The following NTM variants were observed in gnomAD, a reference collection of about 807,000 sequenced individuals.
NTM encodes the protein neurotrimin, also known as IgLON family member 2.
Under a neutral mutation model 42.1 loss-of-function variants are expected in NTM, and 13 were observed. That is an observed-to-expected ratio of 0.31 (90% CI 0.20 to 0.49). The LOEUF (loss-of-function observed/expected upper bound fraction) is 0.49. Ranked by LOEUF, NTM falls within the 20% of genes least tolerant of loss-of-function variation. The pLI is 0.99. For missense variants in NTM, 373 were observed against 452.8 expected, an observed-to-expected ratio of 0.82 and a Z score of 1.60; for synonymous variants, 187 against 179.2, an observed-to-expected ratio of 1.04 and a Z score of -0.35.
chr11:131,988,408 G>C lies in NTM; in HGVS notation c.167+76760G>C, dbSNP rs1281689773. Among the ~76,000 whole-genome samples, 6 of 152,264 alleles carry C rather than the reference G, an allele frequency of 3.9e-5. 1 individual carries two copies. The East Asian group carries it at 1.2e-3, about 29-fold the overall frequency. On this transcript the variant is annotated intron_variant, in intron 2 of 8. Coordinates refer to ENST00000683400, the MANE Select transcript of NTM (RefSeq NM_001352005.2). ...CCATTCCACTGTCAGAGGAATTGGT[G>C]GTCTGATCTGGCATCCTGGGGACAC...
rs538452124 is a variant in NTM, at chr11:131,852,653, T to C, written c.83-58911T>C. Among the ~76,000 whole-genome samples, 5 of 152,270 alleles carry C rather than the reference T, an allele frequency of 3.3e-5. No individual in the cohort carries two copies. The South Asian group carries it at 8.3e-4, about 25-fold the overall frequency. The stretch of plus-strand genomic sequence containing the variant: ...GTTTTCTGCCTCTTACCTTTTGATT[T>C]ATTTTGATTCCTGGAATAGATCAGC... On this transcript the variant is annotated intron_variant, in intron 1 of 8. Transcript: ENST00000683400.
intron 7 of NTM, among the ~76,000 whole-genome samples, chr11:132,317,434 C>CCAGT (rs994770325): frequency 6.6e-6 from 1 of 152,140 alleles, no homozygotes; most frequent in African/African-American, 2.4e-5. Flanking sequence ...CCCTGCCTTC[C>CCAGT]CAGTCACGGC....
chr11:132,017,156 G>A (rs1208837905), intron 2 of NTM, among the ~76,000 whole-genome samples: 1 of 151,764 alleles, frequency 6.6e-6, no homozygotes, highest in Admixed American at 6.6e-5. Flanking sequence ...ATGAAAGTCA[G>A]TTTATCACTT....
intron 2 of NTM, among the ~76,000 whole-genome samples, chr11:132,141,504 G>T (rs977859489): frequency 2.6e-5 from 4 of 152,210 alleles, no homozygotes; most frequent in Non-Finnish European, 5.9e-5. Context: ...AACAATAGGT[G>T]CAGCTGCAGA....
At chr11:131,872,739 T>C (rs1256933107) in intron 1 of NTM, among the ~76,000 whole-genome samples, 1 of 152,206 alleles carries the variant, frequency 6.6e-6, no homozygotes, top group Non-Finnish European at 1.5e-5. Flanking sequence ...CTGGTACCAT[T>C]AAGATTTTGT....
chr11:132,318,296 A>G (rs2095482099), intron 7 of NTM, among the ~76,000 whole-genome samples: 1 of 152,120 alleles, frequency 6.6e-6, no homozygotes, highest in Non-Finnish European at 1.5e-5. Context: ...TTTACAATAC[A>G]GTTGATCTAC....
At chr11:131,718,442 C>T (rs572780407) in intron 1 of NTM, among the ~76,000 whole-genome samples, 6 of 151,962 alleles carry the variant, frequency 3.9e-5, no homozygotes, top group Non-Finnish European at 7.3e-5. Flanking sequence ...TACTGTCTGG[C>T]CCCATCACTG....
chr11:131,879,996 T>C (rs1466138203), intron 1 of NTM, among the ~76,000 whole-genome samples: 1 of 152,224 alleles, frequency 6.6e-6, no homozygotes, highest in African/African-American at 2.4e-5. Flanking sequence ...TTACAATAGA[T>C]TTTACTGCAT....
chr11:131,882,996 A>G (rs952870158), intron 1 of NTM, among the ~76,000 whole-genome samples: 2 of 152,216 alleles, frequency 1.3e-5, no homozygotes, highest in African/African-American at 4.8e-5. Context: ...CACACTCCCC[A>G]TGACATAAAG....
At chr11:132,008,344 G>T (rs1216956850) in intron 2 of NTM, among the ~76,000 whole-genome samples, 1 of 152,088 alleles carries the variant, frequency 6.6e-6, no homozygotes, top group Non-Finnish European at 1.5e-5. Flanking sequence ...GTCCCTCCTG[G>T]CAGGACTTGT....
chr11:132,248,060 T>C lies in NTM; in HGVS notation c.526+35913T>C, dbSNP rs77559449. Among the ~76,000 whole-genome samples the C allele has an allele frequency of 2.2e-3, 342 of 152,200 alleles. 1 individual carries two copies. Among genetic ancestry groups the C allele is most frequent in the African/African-American group, 7.7e-3 (320 of 41,514 alleles). On this transcript the variant is annotated intron_variant, in intron 4 of 8. Coordinates refer to ENST00000683400, the MANE Select transcript of NTM (RefSeq NM_001352005.2). ...CCAAACATGGGAGAAAATGGAGAAA[T>C]TAGGAGAAAGTGCTCCCAAAATGTT...
At chr11:131,514,255 C>T (rs1315534538) in intron 1 of NTM, among the ~76,000 whole-genome samples, 1 of 152,140 alleles carries the variant, frequency 6.6e-6, no homozygotes, top group Non-Finnish European at 1.5e-5. Context: ...TTTAAGTTCT[C>T]AAGTTCCTTA....
At chr11:132,038,529 G>A (rs2076783136) in intron 2 of NTM, among the ~76,000 whole-genome samples, 1 of 151,948 alleles carries the variant, frequency 6.6e-6, no homozygotes, top group African/African-American at 2.4e-5. Flanking sequence ...CTGTAAAGAG[G>A]GGGTGAGATT....
intron 1 of NTM, among the ~76,000 whole-genome samples, chr11:131,744,129 G>GTGA (rs1301587290): frequency 6.6e-6 from 1 of 152,200 alleles, no homozygotes; most frequent in Non-Finnish European, 1.5e-5. Context: ...AACCTTTCCT[G>GTGA]ATTTCCCCAT....
intron 1 of NTM, among the ~76,000 whole-genome samples, chr11:131,700,210 T>C (rs185349230): frequency 1.3e-5 from 2 of 152,326 alleles, no homozygotes; most frequent in Admixed American, 1.3e-4. Flanking sequence ...AAAATTGTCT[T>C]TCTTGGCCAG....
At chr11:131,924,879 A>G (rs2057735765) in intron 2 of NTM, among the ~76,000 whole-genome samples, 1 of 152,272 alleles carries the variant, frequency 6.6e-6, no homozygotes, top group Admixed American at 6.5e-5. Flanking sequence ...TTTCAGCTGC[A>G]TAGAAATATA....
intron 1 of NTM, among the ~76,000 whole-genome samples, chr11:131,503,801 C>T (rs1288953147): frequency 3.9e-5 from 6 of 152,126 alleles, no homozygotes; most frequent in Admixed American, 1.3e-4. Context: ...CGAGCCACCA[C>T]GCCCCACTGA....
intron 1 of NTM, among the ~76,000 whole-genome samples, chr11:131,687,029 C>T (rs868701163): frequency 1.3e-4 from 20 of 152,304 alleles, no homozygotes; most frequent in African/African-American, 9.6e-5. Flanking sequence ...TCGGGACAAC[C>T]TGAACTGCTG....
chr11:132,202,205 T>G (rs1258516077), intron 3 of NTM, among the ~76,000 whole-genome samples: 2 of 152,176 alleles, frequency 1.3e-5, no homozygotes, highest in Non-Finnish European at 2.9e-5. Context: ...TTGGGTTACT[T>G]GTGTAACCTC....
Sources: allele counts gnomAD v4.1 joint callset (sites outside exome capture counted in the v4.1 genomes callset), GRCh38; gene constraint gnomAD v4.1.1; transcripts MANE v1.5; gene names NCBI Gene and HGNC (gene_info 2026-07-23, HGNC 2026-07-21).